The following FAR2 variants were observed in gnomAD, a reference collection of about 807,000 sequenced individuals.
FAR2 encodes the protein fatty acyl-CoA reductase 2, also known as epididymis secretory protein Li 81.
In FAR2, 19 loss-of-function variants were observed where a neutral mutation model predicts 56.0. That is an observed-to-expected ratio of 0.34 (90% confidence interval 0.24 to 0.50). FAR2 has a LOEUF of 0.50. Ranked by LOEUF, FAR2 falls within the 20% of genes least tolerant of loss-of-function variation. FAR2 has a pLI of 0.98. For synonymous variants in FAR2, 219 were observed against 218.8 expected, an observed-to-expected ratio of 1.00 and a Z score of -0.01; for missense variants, 508 against 642.2, an observed-to-expected ratio of 0.79 and a Z score of 2.26.
chr12:29,193,298 C>A (rs572500136), intron 1 of FAR2, among the ~76,000 whole-genome samples: 88 of 152,260 alleles, frequency 5.8e-4, no homozygotes, highest in African/African-American at 1.9e-3. Flanking sequence ...TGGTGGTGTT[C>A]TTTCTATAGG....
intron 1 of FAR2, among the ~76,000 whole-genome samples, chr12:29,171,144 A>G (rs1400821644): frequency 6.6e-6 from 1 of 152,206 alleles, no homozygotes; most frequent in Non-Finnish European, 1.5e-5. Context: ...CCAGGACAGG[A>G]GATTAACAAT....
chr12:29,316,546 G>T (rs1182081039), intron 8 of FAR2, among the ~76,000 whole-genome samples: 2 of 152,208 alleles, frequency 1.3e-5, no homozygotes, highest in African/African-American at 2.4e-5. Flanking sequence ...ATTAAAGGCA[G>T]ATTCATGTTT....
At chr12:29,239,300 C>T (rs1259049394) in intron 1 of FAR2, among the ~76,000 whole-genome samples, 1 of 152,122 alleles carries the variant, frequency 6.6e-6, no homozygotes, top group African/African-American at 2.4e-5. Context: ...GGGATAGCCA[C>T]ACAATCAATG....
At chr12:29,304,109 G>A (rs908694443) in intron 4 of FAR2, among the ~76,000 whole-genome samples, 1 of 152,260 alleles carries the variant, frequency 6.6e-6, no homozygotes, top group Middle Eastern at 3.4e-3. Context: ...CATTGCCACT[G>A]GACACTTTAC....
intron 10 of FAR2, chr12:29,331,710 C>T (rs1949734610): frequency 6.6e-6 from 1 of 152,076 alleles, no homozygotes; most frequent in South Asian, 2.1e-4. Context: ...TATCAGGTTT[C>T]TCTTCCTAAC....
At chr12:29,268,566 GGC>G (rs1026789930) in intron 1 of FAR2, among the ~76,000 whole-genome samples, 1 of 152,112 alleles carries the variant, frequency 6.6e-6, no homozygotes, top group African/African-American at 2.4e-5. Context: ...TGTGGTCGGT[GGC>G]CTCCCTTTTC....
chr12:29,253,563 TA>T (rs1387598307), intron 1 of FAR2, among the ~76,000 whole-genome samples: 2 of 152,040 alleles, frequency 1.3e-5, no homozygotes, highest in African/African-American at 4.8e-5. Context: ...AAGCAAAGCA[TA>T]AAAAAATGTG....
intron 1 of FAR2, among the ~76,000 whole-genome samples, chr12:29,253,280 G>GAT (rs1555114539): frequency 1.7e-4 from 14 of 80,584 alleles, no homozygotes; most frequent in African/African-American, 4.7e-4. Flanking sequence ...TCTATATATC[G>GAT]ATATCTATAT....
intron 1 of FAR2, among the ~76,000 whole-genome samples, chr12:29,185,758 T>C (rs994714270): frequency 6.6e-6 from 1 of 152,132 alleles, no homozygotes; most frequent in Non-Finnish European, 1.5e-5. Flanking sequence ...GTTTTTTGGT[T>C]GTCATGACTA....
At chr12:29,189,774 A>C (rs1362477841) in intron 1 of FAR2, among the ~76,000 whole-genome samples, 1 of 152,222 alleles carries the variant, frequency 6.6e-6, no homozygotes, top group Non-Finnish European at 1.5e-5. Context: ...ATATTTTATA[A>C]AACAACAGCA....
intron 2 of FAR2, chr12:29,282,381 A>G (rs1472570171): frequency 1.3e-5 from 2 of 152,164 alleles, no homozygotes; most frequent in African/African-American, 2.4e-5. Flanking sequence ...TTATTATCTC[A>G]TGTTAATCAA....
intron 1 of FAR2, among the ~76,000 whole-genome samples, chr12:29,265,596 G>C (rs917266735): frequency 3.9e-5 from 6 of 152,110 alleles, no homozygotes; most frequent in Admixed American, 3.9e-4. Context: ...ATCAGGGAAA[G>C]TCTCCAGTAC....
At chr12:29,300,721 T>G (rs560257773) in intron 4 of FAR2, among the ~76,000 whole-genome samples, 2 of 152,134 alleles carry the variant, frequency 1.3e-5, no homozygotes, top group African/African-American at 4.8e-5. Flanking sequence ...AGTTCTTATT[T>G]ATTTATTTAT....
intron 1 of FAR2, among the ~76,000 whole-genome samples, chr12:29,231,232 G>A (rs1399503175): frequency 6.6e-6 from 1 of 152,156 alleles, no homozygotes; most frequent in African/African-American, 2.4e-5. Flanking sequence ...CACTGTGGTG[G>A]CTTAGGTCAT....
chr12:29,272,279 A>C (rs943133124), intron 2 of FAR2, among the ~76,000 whole-genome samples: 1 of 152,122 alleles, frequency 6.6e-6, no homozygotes, highest in Non-Finnish European at 1.5e-5. Flanking sequence ...AATCAATTGT[A>C]GGTTTGGTCT....
rs538785908 is a variant in FAR2 at position 29,177,340 on chromosome 12, G to A, written c.-39+27933G>A. On this transcript the variant is annotated intron_variant, in intron 1 of 11. Coordinates refer to ENST00000536681, the MANE Select transcript of FAR2 (RefSeq NM_001271783.2). ...ATGTACAGGGCAAAAAACAGAGCTG[G>A]CTCCAGGTTTGATTAGAGATTTTTA... 4.6e-5 allele frequency among the ~76,000 whole-genome samples: 7 copies of A among 152,228 alleles called. No individual in the cohort carries two copies. In the South Asian group the frequency reaches 1.5e-3, roughly 32 times the overall value.
At chr12:29,242,294 T>C (rs952683466) in intron 1 of FAR2, among the ~76,000 whole-genome samples, 2 of 152,248 alleles carry the variant, frequency 1.3e-5, no homozygotes, top group African/African-American at 4.8e-5. Flanking sequence ...TTTTGACCTC[T>C]GAACAGCATT....
chr12:29,207,942 C>A (rs1037775237), intron 1 of FAR2, among the ~76,000 whole-genome samples: 1 of 152,190 alleles, frequency 6.6e-6, no homozygotes, highest in African/African-American at 2.4e-5. Context: ...TGGCTCACAC[C>A]TGTGGTCCCA....
chr12:29,303,526 A>G (rs1158463229), intron 4 of FAR2, among the ~76,000 whole-genome samples: 1 of 152,178 alleles, frequency 6.6e-6, no homozygotes, highest in Non-Finnish European at 1.5e-5. Context: ...CTGCCATGTG[A>G]AAAAGGAAAG....
Sources: gnomAD v4.1 joint callset for allele counts (sites outside exome capture counted in the v4.1 genomes callset) on GRCh38, gnomAD v4.1.1 for gene constraint, MANE v1.5 for transcripts, NCBI Gene and HGNC (gene_info 2026-07-23, HGNC 2026-07-21) for gene names.